The following NRAP variants were observed in gnomAD, a reference collection of about 807,000 sequenced individuals.
NRAP encodes nebulin related anchoring protein.
NRAP carries 189 observed loss-of-function variants against 225.9 expected under a neutral mutation model. That is an observed-to-expected ratio of 0.84 (90% CI 0.74 to 0.94). The LOEUF (loss-of-function observed/expected upper bound fraction) is 0.94. Ranked by LOEUF, NRAP falls within the 40% of genes least tolerant of loss-of-function variation. The pLI is 0.00. For synonymous variants in NRAP, 769 were observed against 790.7 expected (o/e 0.97, Z 0.46); for missense variants, 2,176 against 2,168.7 (o/e 1.00, Z -0.07).
intron 39 of NRAP, among the ~76,000 whole-genome samples, chr10:113,591,722 C>G (rs1462308373): frequency 1.3e-5 from 2 of 152,180 alleles, no homozygotes; most frequent in Non-Finnish European, 2.9e-5. Context: ...GAGATAAGAT[C>G]CCTATTTCAT....
At chr10:113,663,598 G>T in intron 1 of NRAP, 152 bp from the exon 2 acceptor site, 2 of 633,482 alleles carry the variant, frequency 3.2e-6, no homozygotes, top group East Asian at 2.8e-5. Flanking sequence ...CAACACTCAC[G>T]GTTAAATAAA....
intron 26 of NRAP, 83 bp downstream of exon 26, chr10:113,617,372 A>G (rs1007432131): frequency 1.4e-5 from 12 of 878,404 alleles, no homozygotes; most frequent in Admixed American, 3.5e-5. Flanking sequence ...GAAGGAGCAA[A>G]CCCAAGAACC....
At chr10:113,612,155 G>T in intron 30 of NRAP, 79 bp downstream of exon 30, 1 of 1,153,614 alleles carries the variant, frequency 8.7e-7, no homozygotes, top group Non-Finnish European at 1.3e-6. Flanking sequence ...ATTTCACTGA[G>T]CCAACAGGAG....
chr10:113,651,050 A>G (rs1849931603), intron 7 of NRAP, among the ~76,000 whole-genome samples: 1 of 152,220 alleles, frequency 6.6e-6, no homozygotes, highest in Non-Finnish European at 1.5e-5. Flanking sequence ...ATGTTCTCTA[A>G]TTTGTAGTGG....
intron 25 of NRAP, among the ~76,000 whole-genome samples, chr10:113,619,967 T>C (rs922486322): frequency 1.3e-5 from 2 of 152,036 alleles, no homozygotes; most frequent in African/African-American, 2.4e-5. Context: ...CTAAACATCC[T>C]GCGGGGCACA....
chr10:113,647,345 T>A (rs964359195), intron 9 of NRAP, among the ~76,000 whole-genome samples: 10 of 152,072 alleles, frequency 6.6e-5, no homozygotes, highest in Non-Finnish European at 1.2e-4. Context: ...ACTTTTTAAC[T>A]GACAACCAGG....
chr10:113,659,052 C>CAT (rs1850497874), intron 3 of NRAP, among the ~76,000 whole-genome samples: 1 of 152,042 alleles, frequency 6.6e-6, no homozygotes, highest in Admixed American at 6.6e-5. Flanking sequence ...TCCAGGGTTG[C>CAT]TACTGCTTAA....
intron 20 of NRAP, among the ~76,000 whole-genome samples, chr10:113,626,902 C>A (rs1848320527): frequency 6.6e-6 from 1 of 152,210 alleles, no homozygotes; most frequent in Non-Finnish European, 1.5e-5. Context: ...GACTTCTTGT[C>A]TTTCCTGAAG....
chr10:113,646,739 T>C (rs1311206674), intron 10 of NRAP, among the ~76,000 whole-genome samples, 184 bp downstream of exon 10: 1 of 152,204 alleles, frequency 6.6e-6, no homozygotes, highest in Non-Finnish European at 1.5e-5. Flanking sequence ...TCCGTGTCCA[T>C]CTCCTTGGAA....
chr10:113,654,507 C>CAAAAAAAAAA (rs56238053), intron 4 of NRAP, among the ~76,000 whole-genome samples: 7 of 128,678 alleles, frequency 5.4e-5, no homozygotes, highest in Admixed American at 1.6e-4. Context: ...GCAATAAAAG[C>CAAAAAAAAAA]AAAAAAAAAA....
chr10:113,596,793 C>A (rs1182501509), intron 37 of NRAP, among the ~76,000 whole-genome samples: 1 of 152,126 alleles, frequency 6.6e-6, no homozygotes, highest in East Asian at 1.9e-4. Flanking sequence ...ACTTTCTGAG[C>A]CTTTATTTAA....
At chr10:113,646,379 A>G (rs1282168765) in intron 10 of NRAP, among the ~76,000 whole-genome samples, 1 of 152,196 alleles carries the variant, frequency 6.6e-6, no homozygotes, top group Admixed American at 6.5e-5. Flanking sequence ...AAAGAGAGTG[A>G]AGGAAAAGGA....
chr10:113,604,486 T>G, intron 35 of NRAP, 123 bp downstream of exon 35: 1 of 730,996 alleles, frequency 1.4e-6, no homozygotes, highest in Non-Finnish European at 2.2e-6. Flanking sequence ...AAATCATTGT[T>G]TGGGGAAGGC....
At chr10:113,641,252 G>T (rs1017932131) in intron 13 of NRAP, 113 bp downstream of exon 13, 2 of 656,698 alleles carry the variant, frequency 3.0e-6, no homozygotes, top group Non-Finnish European at 5.2e-6. Flanking sequence ...TCTTTACACA[G>T]TCTTTAAAAT....
intron 12 of NRAP, 110 bp from the exon 13 acceptor site, chr10:113,641,582 C>T: frequency 1.5e-6 from 1 of 659,664 alleles, no homozygotes; most frequent in Non-Finnish European, 2.6e-6. Flanking sequence ...TAAATATAAC[C>T]CATTTAAATA....
intron 25 of NRAP, among the ~76,000 whole-genome samples, chr10:113,619,435 G>A (rs1208983234): frequency 6.6e-6 from 1 of 152,102 alleles, no homozygotes; most frequent in African/African-American, 2.4e-5. Flanking sequence ...AGCCTTGAGT[G>A]TTGACCAAGG....
chr10:113,660,944 A>G (rs1850636194), intron 3 of NRAP, among the ~76,000 whole-genome samples: 2 of 152,184 alleles, frequency 1.3e-5, no homozygotes, highest in African/African-American at 4.8e-5. Context: ...CCTCAACTAT[A>G]ACACAATAAT....
At chr10:113,655,778 A>G (rs142358358) in intron 4 of NRAP, among the ~76,000 whole-genome samples, 10 of 152,318 alleles carry the variant, frequency 6.6e-5, no homozygotes, top group Middle Eastern at 3.4e-3. Context: ...TGGTGCACCT[A>G]TGATACACCC....
chr10:113,626,218 C>G, intron 20 of NRAP, 73 bp from the exon 21 acceptor site: 1 of 856,224 alleles, frequency 1.2e-6, no homozygotes, highest in Admixed American at 2.4e-5. Flanking sequence ...TGTGCCCCCA[C>G]ACACACACAC....
Sources: allele counts gnomAD v4.1 joint callset (sites outside exome capture counted in the v4.1 genomes callset), GRCh38; gene constraint gnomAD v4.1.1; transcripts MANE v1.5; gene names NCBI Gene and HGNC (gene_info 2026-07-23, HGNC 2026-07-21).